Variants in CDH8 observed in about 807,000 individuals in gnomAD.
CDH8 encodes the protein cadherin-8.
Under a neutral mutation model 68.1 loss-of-function variants are expected in CDH8, and 17 were observed. The observed-to-expected ratio is 0.25, with a 90% confidence interval of 0.17 to 0.37. CDH8 has a LOEUF of 0.37. CDH8 is among the 10% of genes least tolerant of loss of function. The probability of loss-of-function intolerance (pLI) is 1.00; values close to 1 mark genes in which losing one functional copy is unlikely to be tolerated. For missense variants in CDH8, 763 were observed against 999.3 expected (o/e 0.76, Z 3.19); for synonymous variants, 372 against 365.1 (o/e 1.02, Z -0.21).
At chr16:61,985,091 C>CT (rs937331035) in intron 2 of CDH8, among the ~76,000 whole-genome samples, 2 of 150,374 alleles carry the variant, frequency 1.3e-5, no homozygotes, top group Non-Finnish European at 3.0e-5. Flanking sequence ...GCACCCATAA[C>CT]TTTTTTTTCC....
chr16:61,815,970 G>A (rs1346783850), intron 7 of CDH8, among the ~76,000 whole-genome samples: 1 of 151,360 alleles, frequency 6.6e-6, no homozygotes, highest in Non-Finnish European at 1.5e-5. Flanking sequence ...TTTTTTTTTG[G>A]ATATTCCTCC....
chr16:61,997,708 A>G (rs1364437336), intron 2 of CDH8, among the ~76,000 whole-genome samples: 2 of 152,074 alleles, frequency 1.3e-5, no homozygotes, highest in African/African-American at 4.8e-5. Flanking sequence ...AGATAAACCA[A>G]CCTCACGTAA....
intron 10 of CDH8, among the ~76,000 whole-genome samples, chr16:61,684,708 G>C (rs1964075784): frequency 6.6e-6 from 1 of 151,994 alleles, no homozygotes; most frequent in Admixed American, 6.6e-5. Flanking sequence ...TGACCTGACA[G>C]TTCCTTTGTA....
intron 10 of CDH8, among the ~76,000 whole-genome samples, chr16:61,687,053 T>C (rs1964123050): frequency 6.6e-6 from 1 of 151,998 alleles, no homozygotes; most frequent in Non-Finnish European, 1.5e-5. Context: ...ACTACGGTAC[T>C]GTAAACTTTA....
intron 3 of CDH8, among the ~76,000 whole-genome samples, chr16:61,896,551 A>C (rs1488106638): frequency 6.6e-6 from 1 of 152,182 alleles, no homozygotes; most frequent in Non-Finnish European, 1.5e-5. Flanking sequence ...AAGGAAGAAC[A>C]GTGGTAAGAG....
At chr16:62,031,508 C>T (rs1016168758) in intron 1 of CDH8, among the ~76,000 whole-genome samples, 1 of 152,088 alleles carries the variant, frequency 6.6e-6, no homozygotes, top group Admixed American at 6.6e-5. Context: ...CCTGAACCAT[C>T]CATCGTTCTA....
At chr16:61,957,170 C>G (rs2143614071) in intron 2 of CDH8, among the ~76,000 whole-genome samples, 1 of 152,210 alleles carries the variant, frequency 6.6e-6, no homozygotes, top group East Asian at 1.9e-4. Context: ...AGTCCTTCCT[C>G]CTCCCCTAAG....
Position 61,649,808 on chromosome 16 carries a change from T to A in CDH8, c.*3800A>T, listed in dbSNP as rs915959352. On this transcript the variant is annotated 3_prime_UTR_variant, in exon 12 of 12. Coordinates refer to ENST00000577390, the MANE Select transcript of CDH8 (RefSeq NM_001796.5). ...TGGCTACTTAGCTCTCAGCACCCGC[T>A]TTTCCTTTTCCAAAATACAGCATAG... 5 of 152,118 alleles carry A rather than the reference T, an allele frequency of 3.3e-5. No individual in the cohort carries two copies. Among genetic ancestry groups the A allele is most frequent in the African/African-American group, 1.2e-4 (5 of 41,422 alleles). The allele number at this position is 152,118 out of a possible 1,614,324, so 9.4% of individuals were successfully genotyped here. A position where few individuals can be genotyped will look rare whatever the true frequency, so the allele number is the denominator to read the frequency against.
intron 8 of CDH8, among the ~76,000 whole-genome samples, chr16:61,730,431 G>C (rs1411754322): frequency 6.6e-6 from 1 of 151,296 alleles, no homozygotes; most frequent in African/African-American, 2.4e-5. Context: ...TTGTGTCCCG[G>C]CACCTCTGCA....
chr16:61,810,790 G>A lies in CDH8; in HGVS notation c.1277+6689C>T, dbSNP rs150534038. Among the ~76,000 whole-genome samples, 214 of 152,214 alleles carry A rather than the reference G, an allele frequency of 1.4e-3. 2 individuals carry two copies. Among genetic ancestry groups the A allele is most frequent in the African/African-American group, 5.0e-3 (207 of 41,524 alleles). On this transcript the variant is annotated intron_variant, in intron 7 of 11. Transcript: ENST00000577390. ...TGTAATCCAAGAACTTTGGGAGGCC[G>A]AGGGGGGCGGATCAGAAGGTTAGGA...
At chr16:61,922,450 G>A (rs539652309) in intron 2 of CDH8, among the ~76,000 whole-genome samples, 1 of 152,088 alleles carries the variant, frequency 6.6e-6, no homozygotes, top group South Asian at 2.1e-4. Context: ...TATATAAAAA[G>A]ACATATAAAG....
intron 2 of CDH8, among the ~76,000 whole-genome samples, chr16:61,921,059 A>T (rs1259310916): frequency 2.9e-5 from 4 of 138,902 alleles, no homozygotes; most frequent in Admixed American, 7.6e-5. Flanking sequence ...AACAATGAGA[A>T]CACATGGACA....
intron 3 of CDH8, among the ~76,000 whole-genome samples, chr16:61,870,253 G>C (rs112686599): frequency 6.6e-6 from 1 of 152,166 alleles, no homozygotes; most frequent in East Asian, 1.9e-4. Context: ...TACACAACCC[G>C]TTCTGTCCCT....
chr16:61,810,830 C>T (rs1311262507), intron 7 of CDH8, among the ~76,000 whole-genome samples: 1 of 151,984 alleles, frequency 6.6e-6, no homozygotes, highest in Non-Finnish European at 1.5e-5. Flanking sequence ...TGAGACCAGC[C>T]TGGCCAACAT....
rs114756967 is a variant in CDH8 at position 61,736,415 on chromosome 16, T to C, written c.1415-9200A>G. Among the ~76,000 whole-genome samples, 1,393 of 152,318 alleles carry C rather than the reference T, an allele frequency of 9.1e-3. 23 individuals carry two copies. The highest frequency in any genetic ancestry group is 0.032 in the African/African-American group (1,333 of 41,574). ...GAACTATTTCTGGATCAGATTTCTT[T>C]TTTAAAAATTAGCAAAAAGCAGACT... On this transcript the variant is annotated intron_variant, in intron 8 of 11. Transcript: ENST00000577390.
At chr16:61,655,974 G>A (rs543441120) in intron 10 of CDH8, among the ~76,000 whole-genome samples, 208 of 151,122 alleles carry the variant, frequency 1.4e-3, no homozygotes, top group African/African-American at 4.9e-3. Context: ...CCGGGTTCAC[G>A]CCATTCTCCT....
At chr16:61,710,860 T>C (rs1225363805) in intron 10 of CDH8, 2 of 151,960 alleles carry the variant, frequency 1.3e-5, no homozygotes, top group Non-Finnish European at 2.9e-5. Context: ...TTCCCTGTCT[T>C]GTTATATTTA....
chr16:61,655,866 C>G, intron 10 of CDH8, 145 bp from the exon 11 acceptor site: 1 of 667,190 alleles, frequency 1.5e-6, no homozygotes, highest in Non-Finnish European at 2.5e-6. Flanking sequence ...CCTGACTCGT[C>G]TCCGCACTTT....
At chr16:61,703,560 G>T (rs1158016532) in intron 10 of CDH8, among the ~76,000 whole-genome samples, 2 of 152,056 alleles carry the variant, frequency 1.3e-5, no homozygotes, top group African/African-American at 4.8e-5. Context: ...TTTCATGCAG[G>T]CCAGGTGCGG....
Sources: allele counts gnomAD v4.1 joint callset (sites outside exome capture counted in the v4.1 genomes callset), GRCh38; gene constraint gnomAD v4.1.1; transcripts MANE v1.5; gene names NCBI Gene and HGNC (gene_info 2026-07-23, HGNC 2026-07-21).